The following ACTN4 variants were observed in gnomAD, a reference collection of about 807,000 sequenced individuals.
The protein encoded by ACTN4 is actinin alpha 4.
Under a neutral mutation model 114.2 loss-of-function variants are expected in ACTN4, and 18 were observed. The ratio of observed to expected loss-of-function variants is 0.16; its 90% CI spans 0.11 to 0.23. The LOEUF (loss-of-function observed/expected upper bound fraction) is 0.23. ACTN4 is among the 10% of genes least tolerant of loss of function. The pLI is 1.00. For synonymous variants in ACTN4, 515 were observed against 506.3 expected, an observed-to-expected ratio of 1.02 and a Z score of -0.23; for missense variants, 722 against 1,262.9, an observed-to-expected ratio of 0.57 and a Z score of 6.49.
At chr19:38,686,599 T>A (rs539579882) in intron 1 of ACTN4, among the ~76,000 whole-genome samples, 1 of 152,356 alleles carries the variant, frequency 6.6e-6, no homozygotes, top group South Asian at 2.1e-4. Flanking sequence ...TATTTCAAGG[T>A]AGGCCTCACC....
chr19:38,687,683 A>G (rs1444799104), intron 1 of ACTN4, among the ~76,000 whole-genome samples: 1 of 152,266 alleles, frequency 6.6e-6, no homozygotes, highest in Non-Finnish European at 1.5e-5. Context: ...TAAAACTCTT[A>G]GAAGAAAACA....
intron 1 of ACTN4, among the ~76,000 whole-genome samples, chr19:38,650,256 CT>C (rs1393808714): frequency 6.6e-6 from 1 of 152,104 alleles, no homozygotes; most frequent in Non-Finnish European, 1.5e-5. Flanking sequence ...CAAGTGACTC[CT>C]TTTGCGAGCC....
intron 3 of ACTN4, among the ~76,000 whole-genome samples, chr19:38,702,474 G>A (rs1237178242): frequency 6.6e-6 from 1 of 152,352 alleles, no homozygotes; most frequent in East Asian, 1.9e-4. Flanking sequence ...TGGTGGATGT[G>A]TCATGAGAAA....
intron 1 of ACTN4, among the ~76,000 whole-genome samples, chr19:38,686,085 C>G (rs1341993633): frequency 6.6e-6 from 1 of 152,166 alleles, no homozygotes; most frequent in Admixed American, 6.5e-5. Context: ...CTGGCAAGAT[C>G]TACTGGGGAA....
rs907750211 is a variant in ACTN4 at position 38,729,596 on chromosome 19, CTT to C, written c.*166_*167del. 9.5e-7 allele frequency: 1 copy of C among 1,049,194 alleles called. No individual in the cohort carries two copies. The highest frequency in any genetic ancestry group is 2.0e-5 in the Admixed American group (1 of 50,154). The allele number at this position is 1,049,194 out of a possible 1,614,324, so 65.0% of individuals were successfully genotyped here. A position where few individuals can be genotyped will look rare whatever the true frequency, so the allele number is the denominator to read the frequency against. On this transcript the variant is annotated 3_prime_UTR_variant, in exon 21 of 21. Coordinates refer to ENST00000252699, the MANE Select transcript of ACTN4 (RefSeq NM_004924.6). The stretch of plus-strand genomic sequence containing the variant: ...CTGGGGCAGGCTCTCTCCTCTCTCT[CTT>C]TGTGGGTTGGCCAGGAGGTTCCCCC...
At chr19:38,714,031 A>G (rs1166305403) in intron 8 of ACTN4, among the ~76,000 whole-genome samples, 1 of 152,126 alleles carries the variant, frequency 6.6e-6, no homozygotes, top group Non-Finnish European at 1.5e-5. Flanking sequence ...CTGTGCACGG[A>G]CCACTAGGCT....
At chr19:38,684,844 C>T (rs894758239) in intron 1 of ACTN4, among the ~76,000 whole-genome samples, 11 of 152,050 alleles carry the variant, frequency 7.2e-5, no homozygotes, top group African/African-American at 2.7e-4. Context: ...TTGTCTGTCT[C>T]ATGCATCCAA....
chr19:38,729,499 C>T lies in ACTN4; in HGVS notation c.*67C>T. On this transcript the variant is annotated 3_prime_UTR_variant, in exon 21 of 21. Transcript: ENST00000252699. ...AGGGGCCTGGGCAGCCCCACAGTCC[C>T]ATTCCTCCACTCTGTATCTATGCAA... The T allele has an allele frequency of 3.3e-6, 5 of 1,513,734 alleles. No homozygotes were observed. Among genetic ancestry groups the T allele is most frequent in the Non-Finnish European group, 3.6e-6 (4 of 1,114,202 alleles). 93.8% of individuals were successfully genotyped at this position (1,513,734 alleles called of 1,614,324 possible). A position where few individuals can be genotyped will look rare whatever the true frequency, so the allele number is the denominator to read the frequency against.
Position 38,730,949 on chromosome 19 carries a change from CTCCCACCTGGCTCACCTGTCTG to C in ACTN4, c.*1519_*1540del. ...GGACAGAGCCTGAGCCACCCTGTCC[CTCCCACCTGGCTCACCTGTCTG>C]TGGGTCAGGCAGATGACCCCCTCAC... is the stretch of plus-strand genomic sequence containing the variant. On this transcript the variant is annotated 3_prime_UTR_variant, in exon 21 of 21. Transcript: ENST00000252699. The C allele has an allele frequency of 1.9e-6, 3 of 1,550,608 alleles. No individual in the cohort carries two copies. The Middle Eastern group carries it at 5.0e-4, about 259-fold the overall frequency.
At chr19:38,648,783 G>A (rs1362109893) in intron 1 of ACTN4, among the ~76,000 whole-genome samples, 1 of 151,940 alleles carries the variant, frequency 6.6e-6, no homozygotes, top group Non-Finnish European at 1.5e-5. Flanking sequence ...CGGAGAGTGG[G>A]GATAATTTGG....
intron 17 of ACTN4, 116 bp from the exon 18 acceptor site, chr19:38,726,841 A>G: frequency 6.8e-7 from 1 of 1,475,824 alleles, no homozygotes; most frequent in Non-Finnish European, 9.2e-7. Context: ...TGAGGTGTAC[A>G]GGAGAGCAGG....
chr19:38,721,209 C>A (rs1013300730), intron 11 of ACTN4, among the ~76,000 whole-genome samples: 4 of 152,208 alleles, frequency 2.6e-5, no homozygotes, highest in Admixed American at 2.0e-4. Flanking sequence ...ACAGGTGCTA[C>A]CTTTCTAAGC....
At chr19:38,662,489 G>A (rs1391075566) in intron 1 of ACTN4, among the ~76,000 whole-genome samples, 2 of 152,202 alleles carry the variant, frequency 1.3e-5, no homozygotes, top group African/African-American at 2.4e-5. Context: ...AGAAGATGGC[G>A]AGGTTTCCAT....
intron 3 of ACTN4, among the ~76,000 whole-genome samples, chr19:38,703,319 A>G (rs528480055): frequency 6.7e-6 from 1 of 149,708 alleles, no homozygotes; most frequent in East Asian, 2.0e-4. Context: ...GCTCACTGCA[A>G]CCTCTGCCTC....
intron 1 of ACTN4, among the ~76,000 whole-genome samples, chr19:38,696,035 AC>A (rs1247244797): frequency 6.6e-6 from 1 of 151,874 alleles, no homozygotes; most frequent in Non-Finnish European, 1.5e-5. Context: ...CAGTACTAGC[AC>A]CTCCCTCCAG....
At position 38,724,627 on chromosome 19, in the gene ACTN4, G is replaced by A; in HGVS notation, c.2010+62G>A. ...TCCAAGAGAGCTCCCGTAGTGAGGG[G>A]GTCCCCGGCCAGCCCAGGGCCTGCA... On this transcript the variant is annotated intron_variant, in intron 16 of 20. Coordinates refer to ENST00000252699, the MANE Select transcript of ACTN4 (RefSeq NM_004924.6). This position sits in a 1 kb window ranked among gnomAD's most constrained non-coding sequence, Gnocchi z 7.0. 6.2e-7 allele frequency: 1 copy of A among 1,608,844 alleles called. No homozygotes were observed. Among genetic ancestry groups the A allele is most frequent in the East Asian group, 2.2e-5 (1 of 44,882 alleles).
At chr19:38,691,881 G>A (rs773373341) in intron 1 of ACTN4, among the ~76,000 whole-genome samples, 2 of 152,064 alleles carry the variant, frequency 1.3e-5, no homozygotes, top group Non-Finnish European at 2.9e-5. Context: ...CCAACCTGGC[G>A]ACACAGCGAG....
chr19:38,714,040 C>T (rs1968755294), intron 8 of ACTN4, among the ~76,000 whole-genome samples: 1 of 152,192 alleles, frequency 6.6e-6, no homozygotes, highest in Admixed American at 6.5e-5. Flanking sequence ...GACCACTAGG[C>T]TCCTCCGGGA....
At chr19:38,679,735 A>C (rs562019701) in intron 1 of ACTN4, among the ~76,000 whole-genome samples, 1 of 151,950 alleles carries the variant, frequency 6.6e-6, no homozygotes, top group Non-Finnish European at 1.5e-5. Flanking sequence ...GCCTCAAGCG[A>C]TTCTGCCACC....
Sources: gnomAD v4.1 joint callset for allele counts (sites outside exome capture counted in the v4.1 genomes callset) on GRCh38, gnomAD v4.1.1 for gene constraint, Gnocchi (gnomAD v3.1) non-coding constraint, MANE v1.5 for transcripts, NCBI Gene and HGNC (gene_info 2026-07-23, HGNC 2026-07-21) for gene names.